COL6A3: variants seen among roughly 807,000 people sequenced by gnomAD.
The protein encoded by COL6A3 is collagen alpha-3(VI) chain.
A neutral mutation model predicts 274.1 loss-of-function variants in COL6A3; 137 were observed. That is an observed-to-expected ratio of 0.50 (90% confidence interval 0.44 to 0.58). The LOEUF (loss-of-function observed/expected upper bound fraction) is 0.58, where lower values mean the gene tolerates loss of function less well. Ranked by LOEUF, COL6A3 falls within the 20% of genes least tolerant of loss-of-function variation. The probability of loss-of-function intolerance (pLI) is 0.00; values close to 1 mark genes in which losing one functional copy is unlikely to be tolerated. For missense variants in COL6A3, 3,950 were observed against 4,124.9 expected (o/e 0.96, Z 1.16); for synonymous variants, 1,650 against 1,650.6 (o/e 1.00, Z 0.01).
Position 237,372,266 on chromosome 2 carries a change from C to T in COL6A3, c.3751G>A (p.Val1251Ile), listed in dbSNP as rs199646208. The change falls in exon 9 of 44, where the codon GTT (valine) becomes ATT (isoleucine). Residue 1251 changes from valine (V) to isoleucine (I), a missense_variant. Transcript: ENST00000295550. The part of the protein sequence containing the change: ...SQSAGPEFQY[V>I]RTLIERLVDY... The stretch of plus-strand genomic sequence containing the variant: ...ACCAGCCTCTCTATGAGGGTGCGAA[C>T]GTACTGGAACTCAGGCCCGGCACTT... 281 of 1,613,614 alleles carry T rather than the reference C, an allele frequency of 1.7e-4. No homozygotes were observed. The highest frequency in any genetic ancestry group is 1.3e-3 in the East Asian group (60 of 44,858).
Position 237,350,174 on chromosome 2 carries a change from G to A in COL6A3, c.6852C>T (p.Ile2284=), listed in dbSNP as rs374952003. 55 of 1,614,000 alleles carry A rather than the reference G, an allele frequency of 3.4e-5. No homozygotes were observed. In the East Asian group the frequency reaches 5.3e-4, roughly 16 times the overall value. Residue 2284 remains isoleucine (I), a synonymous_variant, in exon 28 of 44, where the codon ATC becomes ATT. Coordinates refer to ENST00000295550, the MANE Select transcript of COL6A3 (RefSeq NM_004369.4). ...TCTCCCCACGAGGGCCCCGGTTCCC[G>A]ATTCCTCCTTTTGGTCCTGGCTCTC... is the stretch of plus-strand genomic sequence containing the variant. ...EPGEPGPKGG[I]GNRGPRGETG...
At chr2:237,336,084 G>A (rs1472078657) in intron 40 of COL6A3, 51 bp downstream of exon 40, 3 of 1,607,336 alleles carry the variant, frequency 1.9e-6, no homozygotes, top group Non-Finnish European at 2.6e-6. Flanking sequence ...ACACCCTGGA[G>A]CAGGAAATGA....
chr2:237,349,163 C>G (rs1183076153), intron 28 of COL6A3, among the ~76,000 whole-genome samples: 1 of 151,832 alleles, frequency 6.6e-6, no homozygotes, highest in Non-Finnish European at 1.5e-5. Flanking sequence ...CACCTCCCCC[C>G]AGCATGCTCA....
At chr2:237,360,381 G>A (rs933358640) in intron 16 of COL6A3, among the ~76,000 whole-genome samples, 2 of 152,164 alleles carry the variant, frequency 1.3e-5, no homozygotes, top group Admixed American at 1.3e-4. Context: ...TGAGATCTGG[G>A]AGGGTAGCAG....
rs764242694 is a variant in COL6A3 at position 237,366,731 on chromosome 2, G to T, written c.5456C>A (p.Ala1819Glu). ...ACCAGGGCAAAGGGTTTCATGCATCGCATCATGCAAAGTTTCCAAAACTTG... is the reference window on the plus strand; with the variant it reads ...ACCAGGGCAAAGGGTTTCATGCATCTCATCATGCAAAGTTTCCAAAACTTG... ...SEQVLETLHDAMHETLCPGVT... is the reference protein window; with the variant it reads ...SEQVLETLHDEMHETLCPGVT... Residue 1819 changes from alanine to glutamate, a missense_variant, in exon 11 of 44, where the codon GCG becomes GAG. Around this residue, in one of 5 missense-constraint regions of COL6A3, gnomAD observed 632 missense variants for 623.4 expected, o/e 1.01. Coordinates refer to ENST00000295550, the MANE Select transcript of COL6A3 (RefSeq NM_004369.4). 2 of 1,614,224 alleles carry T rather than the reference G, an allele frequency of 1.2e-6. No individual in the cohort carries two copies. Among genetic ancestry groups the T allele is most frequent in the Non-Finnish European group, 1.7e-6 (2 of 1,180,034 alleles).
At chr2:237,341,543 TAAAAAAAAAAAAAAA>T (rs71039760) in intron 37 of COL6A3, among the ~76,000 whole-genome samples, 1 of 49,098 alleles carries the variant, frequency 2.0e-5, no homozygotes, top group African/African-American at 9.0e-5. Context: ...AGACTCTGTC[TAAAAAAAAAAAAAAA>T]AAAAAAAAAA....
At chr2:237,341,955 A>G in intron 37 of COL6A3, 110 bp downstream of exon 37, 2 of 914,572 alleles carry the variant, frequency 2.2e-6, no homozygotes, top group Non-Finnish European at 3.5e-6. Context: ...TTTGTGAATC[A>G]ATTGAACTCA....
intron 1 of COL6A3, among the ~76,000 whole-genome samples, chr2:237,411,754 G>A (rs186638054): frequency 6.6e-6 from 1 of 152,282 alleles, no homozygotes; most frequent in East Asian, 1.9e-4. Context: ...TTTCAGAAAG[G>A]TGCCTACCTC....
intron 1 of COL6A3, among the ~76,000 whole-genome samples, chr2:237,409,287 CT>C (rs143013826): frequency 6.6e-6 from 1 of 151,978 alleles, no homozygotes; most frequent in African/African-American, 2.4e-5. Context: ...AATGTATTCT[CT>C]TTTTTTATTA....
chr2:237,345,086 G>A lies in COL6A3; in HGVS notation c.7134C>T (p.Ala2378=). 1 of 1,614,084 alleles carries A rather than the reference G, an allele frequency of 6.2e-7. No homozygotes were observed. Among genetic ancestry groups the A allele is most frequent in the Non-Finnish European group, 8.5e-7 (1 of 1,179,986 alleles). ...ATTTATCTTTGATGCTTTGGATGAG[G>A]GCACATTGCTTTAAAAGAAAATAAA... ...GNRGDSIDQC[A]LIQSIKDKCP... The change falls in exon 34 of 44, where the codon GCC becomes GCT. Residue 2378 remains alanine, a synonymous_variant. Transcript: ENST00000295550.
rs187140309 is a variant in COL6A3, at chr2:237,371,390, G to A, written c.4285+342C>T. On this transcript the variant is annotated intron_variant, in intron 9 of 43. Coordinates refer to ENST00000295550, the MANE Select transcript of COL6A3 (RefSeq NM_004369.4). This position sits in a 1 kb window ranked among gnomAD's most constrained non-coding sequence, Gnocchi z 4.3. ...AGCAGGTGGATCACTTGAGCTCAGG[G>A]GCTTGAGACCAGCCTGGCCAACATG... Among the ~76,000 whole-genome samples the A allele has an allele frequency of 6.6e-6, 1 of 152,030 alleles. No individual in the cohort carries two copies. Among genetic ancestry groups the A allele is most frequent in the East Asian group, 1.9e-4 (1 of 5,158 alleles).
chr2:237,344,627 T>C lies in COL6A3; in HGVS notation c.7391A>G (p.Lys2464Arg), dbSNP rs1445471566. 8 of 1,614,086 alleles carry C rather than the reference T, an allele frequency of 5.0e-6. No individual in the cohort carries two copies. Among genetic ancestry groups the C allele is most frequent in the Non-Finnish European group, 6.8e-6 (8 of 1,180,030 alleles). The stretch of plus-strand genomic sequence containing the variant: ...CTTGTCCAGGAGGACCGACTTCCTC[T>C]TGGAGTCAGCAAACCGGATCTCCGT... The part of the protein sequence containing the change: ...VTTEIRFADS[K>R]RKSVLLDKIK... The change falls in exon 36 of 44, where the codon AAG (lysine) becomes AGG (arginine). Residue 2464 changes from lysine to arginine, a missense_variant. By Grantham distance (26) the Lys-to-Arg change is conservative. Coordinates refer to ENST00000295550, the MANE Select transcript of COL6A3 (RefSeq NM_004369.4). This position sits in a 1 kb window ranked among gnomAD's most constrained non-coding sequence, Gnocchi z 4.8.
intron 2 of COL6A3, 119 bp downstream of exon 2, chr2:237,396,608 T>G: frequency 9.9e-7 from 1 of 1,006,512 alleles, no homozygotes. Context: ...TATCCTATAA[T>G]AAATGGCTTA....
At chr2:237,372,517 G>C (rs1009221817) in intron 8 of COL6A3, among the ~76,000 whole-genome samples, 180 bp from the exon 9 acceptor site, 1 of 152,170 alleles carries the variant, frequency 6.6e-6, no homozygotes, top group Admixed American at 6.5e-5. Flanking sequence ...AAAGAGAAGG[G>C]GAGCAAAGGA....
chr2:237,385,527 G>A (rs1314999742), intron 4 of COL6A3, among the ~76,000 whole-genome samples: 1 of 152,132 alleles, frequency 6.6e-6, no homozygotes, highest in East Asian at 1.9e-4. Context: ...GACCTGCCCA[G>A]GATCACATGG....
At position 237,407,277 on chromosome 2, in the gene COL6A3, T is replaced by C. The variant is rs1020277241; in HGVS notation, c.-31+6676A>G. Among the ~76,000 whole-genome samples the C allele has an allele frequency of 2.0e-5, 3 of 152,236 alleles. No homozygotes were observed. The highest frequency in any genetic ancestry group is 4.4e-5 in the Non-Finnish European group (3 of 68,054). On this transcript the variant is annotated intron_variant, in intron 1 of 43. Coordinates refer to ENST00000295550, the MANE Select transcript of COL6A3 (RefSeq NM_004369.4). The surrounding 1 kb of genome is among the most constrained non-coding windows in gnomAD (Gnocchi z 4.3). ...CTGTTTGACTCAAACTGAATGTGTA[T>C]CCTGTGATAGCAACATTTTAAAACT...
In COL6A3 at chr2:237,347,932, G is replaced by A. The variant is rs889093723; in HGVS notation, c.6967-63C>T. 4.2e-5 allele frequency: 62 copies of A among 1,477,548 alleles called. No individual in the cohort carries two copies. The East Asian group carries it at 4.4e-4, about 11-fold the overall frequency. 91.5% of individuals were successfully genotyped at this position (1,477,548 alleles called of 1,614,324 possible). Reference sequence around the variant, plus strand: ...GAACAGAAGATCTCACTGAGGGTCCGTGGGGTAAGACATCCAGGAGACGTG... The same window carrying A: ...GAACAGAAGATCTCACTGAGGGTCCATGGGGTAAGACATCCAGGAGACGTG... On this transcript the variant is annotated intron_variant, in intron 30 of 43. Coordinates refer to ENST00000295550, the MANE Select transcript of COL6A3 (RefSeq NM_004369.4).
At chr2:237,370,505 G>A (rs1258450004) in intron 9 of COL6A3, among the ~76,000 whole-genome samples, 18 of 152,054 alleles carry the variant, frequency 1.2e-4, no homozygotes, top group Admixed American at 1.2e-3. Context: ...CCAAAGTGCT[G>A]GGATTACAGG....
Position 237,368,894 on chromosome 2 carries a change from C to T in COL6A3, c.4569G>A (p.Val1523=). 2 of 1,614,078 alleles carry T rather than the reference C, an allele frequency of 1.2e-6. No individual in the cohort carries two copies. Among genetic ancestry groups the T allele is most frequent in the East Asian group, 2.2e-5 (1 of 44,894 alleles). ...PLNTGKALEF[V]ARNLFVKSAG... is the part of the protein sequence containing the mutation. ...CAGACTTAACAAAGAGGTTTCTTGC[C>T]ACAAATTCGAGAGCCTTGCCAGTGT... The change falls in exon 10 of 44, where the codon GTG becomes GTA. Residue 1523 remains valine (V), a synonymous_variant. Transcript: ENST00000295550. The surrounding 1 kb of genome is among the most constrained non-coding windows in gnomAD (Gnocchi z 4.4).
Sources: allele counts gnomAD v4.1 joint callset (sites outside exome capture counted in the v4.1 genomes callset), GRCh38; gene constraint gnomAD v4.1.1; regional missense constraint gnomAD v4.1.1; non-coding constraint Gnocchi (gnomAD v3.1); transcripts MANE v1.5; gene names NCBI Gene and HGNC (gene_info 2026-07-23, HGNC 2026-07-21).